The following GLI2 variants were observed in gnomAD, a reference collection of about 807,000 sequenced individuals.
GLI2 encodes transcription activator GLI2.
A neutral mutation model predicts 78.9 loss-of-function variants in GLI2; 22 were observed. The ratio of observed to expected loss-of-function variants is 0.28; its 90% CI spans 0.20 to 0.40. The LOEUF (loss-of-function observed/expected upper bound fraction) is 0.40. GLI2 is among the 10% of genes least tolerant of loss of function. The pLI, the probability that GLI2 is intolerant of heterozygous loss-of-function variation, is 1.00. For synonymous variants in GLI2, 974 were observed against 963.7 expected, an observed-to-expected ratio of 1.01 and a Z score of -0.20; for missense variants, 2,097 against 2,213.2, an observed-to-expected ratio of 0.95 and a Z score of 1.05.
chr2:120,954,530 G>A (rs1681148290), intron 4 of GLI2, among the ~76,000 whole-genome samples: 1 of 152,162 alleles, frequency 6.6e-6, no homozygotes, highest in African/African-American at 2.4e-5. Context: ...AGTGCACAGT[G>A]GCTAGGAGCT....
rs1262659333 is a variant in GLI2, at chr2:120,797,340, C to T, written c.20C>T (p.Ala7Val). The change falls in exon 2 of 14, where the codon GCC (alanine) becomes GTC (valine). Residue 7 changes from alanine (A) to valine (V), a missense_variant. Ala to Val is a moderately conservative substitution (Grantham distance 64). Around this residue, in one of 5 missense-constraint regions of GLI2, gnomAD observed 578 missense variants for 612.0 expected, o/e 0.94. Coordinates refer to ENST00000361492, the MANE Select transcript of GLI2 (RefSeq NM_001374353.1). METSASATASEKQEAKS... is the reference protein window; with the variant it reads METSASVTASEKQEAKS... ...GCTGAGATGGAGACGTCTGCCTCAG[C>T]CACTGCCTCCGAGAAGCAAGAAGCC... is the stretch of plus-strand genomic sequence containing the variant. 1.2e-6 allele frequency: 2 copies of T among 1,613,936 alleles called. No homozygotes were observed. The highest frequency in any genetic ancestry group is 2.7e-5 in the African/African-American group (2 of 74,906).
chr2:120,815,430 C>T (rs1685447034), intron 2 of GLI2, among the ~76,000 whole-genome samples: 1 of 152,138 alleles, frequency 6.6e-6, no homozygotes, highest in Non-Finnish European at 1.5e-5. Context: ...AGCTGACTTG[C>T]TACCATGCAG....
chr2:120,938,592 C>G (rs992208199), intron 3 of GLI2, among the ~76,000 whole-genome samples: 1 of 152,254 alleles, frequency 6.6e-6, no homozygotes, highest in Non-Finnish European at 1.5e-5. Flanking sequence ...TTTATTACAG[C>G]TCTGCATAGG....
At chr2:120,900,381 C>T (rs528132653) in intron 2 of GLI2, among the ~76,000 whole-genome samples, 1 of 152,334 alleles carries the variant, frequency 6.6e-6, no homozygotes, top group South Asian at 2.1e-4. Context: ...TTTAAACACA[C>T]ACCAGGTGAT....
intron 1 of GLI2, among the ~76,000 whole-genome samples, chr2:120,782,971 C>T (rs1683890427): frequency 1.3e-5 from 2 of 152,152 alleles, no homozygotes; most frequent in Non-Finnish European, 2.9e-5. Flanking sequence ...GCAGACTGTC[C>T]CCATCAGTGG....
intron 12 of GLI2, among the ~76,000 whole-genome samples, chr2:120,984,954 C>T (rs1038550688): frequency 3.9e-5 from 6 of 152,222 alleles, no homozygotes; most frequent in African/African-American, 2.4e-5. Flanking sequence ...TGACCAGGCT[C>T]CTGCTGGGTG....
At chr2:120,967,866 T>C (rs1213585510) in intron 5 of GLI2, among the ~76,000 whole-genome samples, 4 of 152,232 alleles carry the variant, frequency 2.6e-5, no homozygotes, top group Admixed American at 2.6e-4. Flanking sequence ...CATGTCCTCG[T>C]GTCCTCCCTG....
At chr2:120,952,219 G>A (rs78149916) in intron 4 of GLI2, among the ~76,000 whole-genome samples, 8,203 of 152,246 alleles carry the variant, frequency 0.054, 718 homozygotes, top group African/African-American at 0.18. Context: ...CCCTGAGAGC[G>A]CTGTTAGCCA....
At chr2:120,813,037 C>T (rs764918634) in intron 2 of GLI2, among the ~76,000 whole-genome samples, 10 of 152,212 alleles carry the variant, frequency 6.6e-5, no homozygotes, top group Non-Finnish European at 1.0e-4. Context: ...GGTCCCCAGA[C>T]GATGGCTGTG....
chr2:120,849,987 T>G (rs1255402713), intron 2 of GLI2, among the ~76,000 whole-genome samples: 1 of 152,120 alleles, frequency 6.6e-6, no homozygotes, highest in Non-Finnish European at 1.5e-5. Flanking sequence ...ATACATGACA[T>G]TTCATGAAAA....
intron 2 of GLI2, among the ~76,000 whole-genome samples, chr2:120,891,335 A>G (rs188137428): frequency 6.6e-6 from 1 of 152,106 alleles, no homozygotes; most frequent in Non-Finnish European, 1.5e-5. Context: ...AGTGTTGCCT[A>G]GTGGTTAAGA....
Position 120,827,381 on chromosome 2 carries a change from A to T in GLI2, c.148+29913A>T, listed in dbSNP as rs73949937. On this transcript the variant is annotated intron_variant, in intron 2 of 13. Transcript: ENST00000361492. ...CTACTATTAAGAAAAACACTCAGAA[A>T]ACAGAACAGGTGCTGGTGAGGATGT... Among the ~76,000 whole-genome samples the T allele has an allele frequency of 6.8e-3, 1,038 of 152,266 alleles. 10 individuals carry two copies. The highest frequency in any genetic ancestry group is 0.024 in the African/African-American group (994 of 41,560).
intron 2 of GLI2, among the ~76,000 whole-genome samples, chr2:120,810,798 ACT>A (rs1685201030): frequency 6.6e-6 from 1 of 152,200 alleles, no homozygotes; most frequent in South Asian, 2.1e-4. Flanking sequence ...TGCTTTTAGG[ACT>A]AGCTAAGCTT....
At chr2:120,878,518 CAT>C (rs765991036) in intron 2 of GLI2, among the ~76,000 whole-genome samples, 9 of 152,076 alleles carry the variant, frequency 5.9e-5, no homozygotes, top group Non-Finnish European at 1.3e-4. Flanking sequence ...ATCTTAATGA[CAT>C]AGTACAATAT....
intron 13 of GLI2, among the ~76,000 whole-genome samples, chr2:120,987,215 C>T (rs1313255674): frequency 2.6e-5 from 4 of 152,212 alleles, no homozygotes; most frequent in Non-Finnish European, 5.9e-5. Flanking sequence ...GTCTTGGGTA[C>T]TGACTCTGTG....
chr2:120,893,661 A>G (rs1439972429), intron 2 of GLI2, among the ~76,000 whole-genome samples: 2 of 151,984 alleles, frequency 1.3e-5, no homozygotes, highest in African/African-American at 4.8e-5. Flanking sequence ...AAGAAAGAAA[A>G]AAAAAAAGGA....
chr2:120,868,942 G>A (rs1056274378), intron 2 of GLI2, among the ~76,000 whole-genome samples: 8 of 152,194 alleles, frequency 5.3e-5, no homozygotes, highest in Non-Finnish European at 1.0e-4. Flanking sequence ...CGGGCACATC[G>A]TATTGGAGGT....
At chr2:120,913,727 C>T (rs1318282505) in intron 2 of GLI2, among the ~76,000 whole-genome samples, 1 of 152,188 alleles carries the variant, frequency 6.6e-6, no homozygotes, top group African/African-American at 2.4e-5. Context: ...GACAGTAAGT[C>T]CAGCCCCAGT....
At chr2:120,794,296 C>T (rs1684283626) in intron 1 of GLI2, among the ~76,000 whole-genome samples, 1 of 152,138 alleles carries the variant, frequency 6.6e-6, no homozygotes, top group Non-Finnish European at 1.5e-5. Flanking sequence ...TGGGCAGAGG[C>T]CTGGCTGTGT....
Sources: allele counts gnomAD v4.1 joint callset (sites outside exome capture counted in the v4.1 genomes callset), GRCh38; gene constraint gnomAD v4.1.1; regional missense constraint gnomAD v4.1.1; transcripts MANE v1.5; gene names NCBI Gene and HGNC (gene_info 2026-07-23, HGNC 2026-07-21).